Variants in CHRM2 observed in about 807,000 individuals in gnomAD.
The protein encoded by CHRM2 is cholinergic receptor muscarinic 2.
CHRM2 carries 8 observed loss-of-function variants against 25.0 expected under a neutral mutation model. That is an observed-to-expected ratio of 0.32 (90% CI 0.19 to 0.58). CHRM2 has a LOEUF of 0.58. Among genes scored for constraint, CHRM2 ranks in the 20% least tolerant of loss-of-function variants. The pLI is 0.88. For missense variants in CHRM2, 440 were observed against 567.1 expected (o/e 0.78, Z 2.28); for synonymous variants, 202 against 205.7 (o/e 0.98, Z 0.15).
chr7:136,877,855 A>G (rs1796109018), intron 2 of CHRM2, among the ~76,000 whole-genome samples: 1 of 151,986 alleles, frequency 6.6e-6, no homozygotes, highest in South Asian at 2.1e-4. Context: ...AATAAACAAG[A>G]CAGAATCATG....
chr7:137,011,251 T>C (rs1408213017), intron 3 of CHRM2, among the ~76,000 whole-genome samples: 1 of 139,760 alleles, frequency 7.2e-6, no homozygotes, highest in African/African-American at 2.9e-5. Flanking sequence ...ATTAGGAAAA[T>C]TGGCTCAAGT....
At chr7:136,896,200 A>AG (rs1248383959) in intron 2 of CHRM2, among the ~76,000 whole-genome samples, 7 of 152,120 alleles carry the variant, frequency 4.6e-5, no homozygotes, top group Non-Finnish European at 8.8e-5. Flanking sequence ...TCTGAAAATG[A>AG]GGGGGTAGGA....
intron 2 of CHRM2, among the ~76,000 whole-genome samples, chr7:136,977,861 T>C (rs552249216): frequency 2.2e-4 from 34 of 152,204 alleles, no homozygotes; most frequent in Non-Finnish European, 4.6e-4. Flanking sequence ...AGAATTTGTA[T>C]AGCTTGAGGT....
chr7:136,952,337 T>A (rs1800461697), intron 2 of CHRM2, among the ~76,000 whole-genome samples: 1 of 152,220 alleles, frequency 6.6e-6, no homozygotes, highest in African/African-American at 2.4e-5. Flanking sequence ...TTCTCCTTTC[T>A]TCTTCTATTA....
chr7:136,899,472 G>A (rs1002731346), intron 2 of CHRM2: 1 of 152,056 alleles, frequency 6.6e-6, no homozygotes, highest in Non-Finnish European at 1.5e-5. Flanking sequence ...TTAGCCAAAT[G>A]AGATAAACAA....
intron 3 of CHRM2, among the ~76,000 whole-genome samples, chr7:137,007,895 T>C (rs1346826734): frequency 6.6e-6 from 1 of 152,140 alleles, no homozygotes; most frequent in Non-Finnish European, 1.5e-5. Context: ...TCTCTTTTTC[T>C]TTTTCATGTC....
chr7:136,935,385 A>C (rs1272520810), intron 2 of CHRM2, among the ~76,000 whole-genome samples: 4 of 152,202 alleles, frequency 2.6e-5, no homozygotes, highest in Non-Finnish European at 5.9e-5. Context: ...ACAGTACCCC[A>C]GGCAAAACAG....
intron 2 of CHRM2, among the ~76,000 whole-genome samples, chr7:136,976,584 T>C (rs1348270139): frequency 1.3e-5 from 2 of 152,256 alleles, no homozygotes. Context: ...AAGTTCTGCA[T>C]TGAGTTTGTT....
chr7:136,961,134 T>A (rs952990142), intron 2 of CHRM2, among the ~76,000 whole-genome samples: 4 of 151,392 alleles, frequency 2.6e-5, no homozygotes, highest in East Asian at 1.9e-4. Context: ...AAAAAAAAAA[T>A]TAATTAAAAA....
intron 2 of CHRM2, 132 bp from the exon 3 acceptor site, chr7:136,992,055 T>A (rs1182860786): frequency 6.6e-6 from 1 of 152,134 alleles, no homozygotes; most frequent in African/African-American, 2.4e-5. Flanking sequence ...CTAACTTGAG[T>A]CACAACAGAC....
Position 136,946,301 on chromosome 7 carries a change from TATTAA to T in CHRM2, c.-124-45881_-124-45877del, listed in dbSNP as rs1255658511. On this transcript the variant is annotated intron_variant, in intron 2 of 3. Coordinates refer to ENST00000680005, the MANE Select transcript of CHRM2 (RefSeq NM_001006630.2). ...TAGGTTATATAAGCTGATAAAATTA[TATTAA>T]ATTATTTGTGTATTAATTTGCAAAG... Among the ~76,000 whole-genome samples, 11 of 152,340 alleles carry T rather than the reference TATTAA, an allele frequency of 7.2e-5. No individual in the cohort carries two copies. In the East Asian group the frequency reaches 1.9e-3, roughly 27 times the overall value.
intron 3 of CHRM2, among the ~76,000 whole-genome samples, chr7:137,008,321 A>T (rs1436481801): frequency 6.6e-6 from 1 of 152,050 alleles, no homozygotes; most frequent in Non-Finnish European, 1.5e-5. Context: ...TATTTGCATG[A>T]TCATTATATT....
intron 2 of CHRM2, among the ~76,000 whole-genome samples, chr7:136,949,497 G>A (rs1429524807): frequency 6.7e-6 from 1 of 148,670 alleles, no homozygotes; most frequent in Non-Finnish European, 1.5e-5. Context: ...GCATGGTGGT[G>A]TGCACTTGCA....
At position 137,017,268 on chromosome 7, in the gene CHRM2, T is replaced by C. The variant is rs1805239291; in HGVS notation, c.*1002T>C. ...CCAAGTTTATTAAAGTCAGGTGAAT[T>C]TTAAGATTAAAAAATAGAAGTTTAG... On this transcript the variant is annotated 3_prime_UTR_variant, in exon 4 of 4. Transcript: ENST00000680005. 1 of 151,956 alleles carries C rather than the reference T, an allele frequency of 6.6e-6. No homozygotes were observed. The highest frequency in any genetic ancestry group is 1.5e-5 in the Non-Finnish European group (1 of 67,936). The allele number at this position is 151,956 out of a possible 1,614,324, so 9.4% of individuals were successfully genotyped here.
chr7:136,983,023 T>C (rs1214275521), intron 2 of CHRM2, among the ~76,000 whole-genome samples: 7 of 152,226 alleles, frequency 4.6e-5, no homozygotes, highest in African/African-American at 1.7e-4. Context: ...TTGGATAATA[T>C]CCTGAAGAGT....
Position 137,015,700 on chromosome 7 carries a change from G to A in CHRM2, c.835G>A (p.Glu279Lys), listed in dbSNP as rs1805131694. 6.2e-7 allele frequency: 1 copy of A among 1,613,242 alleles called. No individual in the cohort carries two copies. The highest frequency in any genetic ancestry group is 8.5e-7 in the Non-Finnish European group (1 of 1,179,564). Residue 279 changes from glutamate (E) to lysine (K), a missense_variant, in exon 4 of 4, where the codon GAG becomes AAG. Around this residue, in one of 5 missense-constraint regions of CHRM2, gnomAD observed 261 missense variants for 261.8 expected, o/e 1.00. Coordinates refer to ENST00000680005, the MANE Select transcript of CHRM2 (RefSeq NM_001006630.2). This position sits in a 1 kb window ranked among gnomAD's most constrained non-coding sequence, Gnocchi z 5.1. ...GACTGAAAACTGTGTTCAGGGAGAG[G>A]AGAAGGAGAGCTCCAATGACTCCAC... ...PVTENCVQGEEKESSNDSTSV... is the reference protein window; with the variant it reads ...PVTENCVQGEKKESSNDSTSV...
intron 2 of CHRM2, among the ~76,000 whole-genome samples, chr7:136,900,359 TAGGGAGAAGTAAAACC>T (rs1214213462): frequency 6.6e-6 from 1 of 152,092 alleles, no homozygotes; most frequent in Non-Finnish European, 1.5e-5. Flanking sequence ...GACTTAGCCA[TAGGGAGAAGTAAAACC>T]AGACTGATTT....
intron 2 of CHRM2, among the ~76,000 whole-genome samples, chr7:136,908,914 CACAG>C: frequency 6.6e-6 from 1 of 151,868 alleles, no homozygotes; most frequent in East Asian, 1.9e-4. Context: ...CCTTACTACG[CACAG>C]AATTTGAAAT....
At chr7:136,927,936 T>G (rs76273994) in intron 2 of CHRM2, among the ~76,000 whole-genome samples, 36,296 of 152,080 alleles carry the variant, frequency 0.24, 5,692 homozygotes, top group Non-Finnish European at 0.35. Context: ...GAGTATTTTT[T>G]ATATGCTATA....
Sources: allele counts gnomAD v4.1 joint callset (sites outside exome capture counted in the v4.1 genomes callset), GRCh38; gene constraint gnomAD v4.1.1; regional missense constraint gnomAD v4.1.1; non-coding constraint Gnocchi (gnomAD v3.1); transcripts MANE v1.5; gene names NCBI Gene and HGNC (gene_info 2026-07-23, HGNC 2026-07-21).